The following SRPK1 variants were observed in gnomAD, a reference collection of about 807,000 sequenced individuals.
The protein encoded by SRPK1 is SFRS protein kinase 1.
Under a neutral mutation model 89.5 loss-of-function variants are expected in SRPK1, and 52 were observed. The ratio of observed to expected loss-of-function variants is 0.58; its 90% CI spans 0.46 to 0.73. SRPK1 has a LOEUF of 0.73. Among genes scored for constraint, SRPK1 ranks in the 30% least tolerant of loss-of-function variants. The pLI, the probability that SRPK1 is intolerant of heterozygous loss-of-function variation, is 0.00. For synonymous variants in SRPK1, 255 were observed against 270.2 expected (o/e 0.94, Z 0.55); for missense variants, 603 against 780.6 (o/e 0.77, Z 2.71).
At chr6:35,904,984 AAAAG>A in intron 2 of SRPK1, 1 of 446,654 alleles carries the variant, frequency 2.2e-6, no homozygotes, top group Non-Finnish European at 4.5e-6. Flanking sequence ...TCTACAAAAG[AAAAG>A]AAAAAAAAAA....
intron 13 of SRPK1, among the ~76,000 whole-genome samples, chr6:35,853,887 GT>G (rs140386198): frequency 0.32 from 45,172 of 143,200 alleles, 6,821 homozygotes; most frequent in South Asian, 0.42. Flanking sequence ...TTCGGAGATT[GT>G]TTTTTTTTTT....
chr6:35,894,613 TAAG>T (rs1383991551), intron 2 of SRPK1, among the ~76,000 whole-genome samples: 1 of 152,162 alleles, frequency 6.6e-6, no homozygotes, highest in Admixed American at 6.5e-5. Context: ...ATCCCAGTGT[TAAG>T]AAGACTCTAA....
chr6:35,909,253 G>A (rs1770910915), intron 2 of SRPK1, among the ~76,000 whole-genome samples: 3 of 152,256 alleles, frequency 2.0e-5, no homozygotes, highest in Admixed American at 2.0e-4. Flanking sequence ...CCCTGGATGT[G>A]AGACACAGAG....
In SRPK1 at chr6:35,915,995, TATACACACACACACAC is replaced by T. The variant is rs1418457661; in HGVS notation, c.74+4457_74+4472del. ...TCAAAAACAAAAAAAAAAAAAAATA[TATACACACACACACAC>T]ACACACACACACACACACACACACA... is the stretch of plus-strand genomic sequence containing the variant. On this transcript the variant is annotated intron_variant, in intron 2 of 15. Transcript: ENST00000373825. 1.1e-3 allele frequency among the ~76,000 whole-genome samples: 58 copies of T among 54,642 alleles called. 1 individual carries two copies. The highest frequency in any genetic ancestry group is 6.4e-3 in the East Asian group (18 of 2,808). The allele number at this position is 54,642 out of a possible 152,430, so 35.8% of individuals were successfully genotyped here. A position where few individuals can be genotyped will look rare whatever the true frequency, so the allele number is the denominator to read the frequency against.
At chr6:35,899,329 C>T (rs1770693630) in intron 2 of SRPK1, among the ~76,000 whole-genome samples, 1 of 152,190 alleles carries the variant, frequency 6.6e-6, no homozygotes, top group Admixed American at 6.5e-5. Flanking sequence ...GCTAAAGTGG[C>T]ACCCTTTCAG....
At chr6:35,878,140 C>G (rs1241328327) in intron 6 of SRPK1, among the ~76,000 whole-genome samples, 1 of 152,116 alleles carries the variant, frequency 6.6e-6, no homozygotes, top group Non-Finnish European at 1.5e-5. Flanking sequence ...ATCAACAAAT[C>G]ATAAAGGTAA....
At chr6:35,852,520 T>C (rs544924295) in intron 13 of SRPK1, among the ~76,000 whole-genome samples, 5 of 152,330 alleles carry the variant, frequency 3.3e-5, no homozygotes, top group East Asian at 1.9e-4. Context: ...CTTACTAAAA[T>C]GGCATTCAAA....
chr6:35,849,917 G>A (rs1769516904), intron 13 of SRPK1, among the ~76,000 whole-genome samples: 1 of 152,132 alleles, frequency 6.6e-6, no homozygotes, highest in African/African-American at 2.4e-5. Flanking sequence ...CAGTGACATG[G>A]ATGGAACTGG....
intron 13 of SRPK1, among the ~76,000 whole-genome samples, chr6:35,855,681 G>A (rs1769651142): frequency 6.6e-6 from 1 of 152,064 alleles, no homozygotes; most frequent in Non-Finnish European, 1.5e-5. Flanking sequence ...TTTATCCATG[G>A]TGGGTCCCTT....
At chr6:35,877,782 G>A (rs1282440295) in intron 6 of SRPK1, among the ~76,000 whole-genome samples, 1 of 151,492 alleles carries the variant, frequency 6.6e-6, no homozygotes, top group Non-Finnish European at 1.5e-5. Context: ...GGCGGAGGTT[G>A]CAGTGAGCAA....
At chr6:35,855,897 G>A (rs975702255) in intron 13 of SRPK1, among the ~76,000 whole-genome samples, 7 of 152,138 alleles carry the variant, frequency 4.6e-5, no homozygotes, top group Non-Finnish European at 8.8e-5. Context: ...ACCACGTCTG[G>A]CTAATTTTTA....
intron 13 of SRPK1, among the ~76,000 whole-genome samples, chr6:35,847,275 T>A (rs889612319): frequency 1.3e-5 from 2 of 152,216 alleles, no homozygotes; most frequent in African/African-American, 4.8e-5. Context: ...GGCACAATCA[T>A]GGCTTGCGGT....
intron 12 of SRPK1, among the ~76,000 whole-genome samples, chr6:35,861,118 T>C (rs1016634514): frequency 6.6e-6 from 1 of 152,082 alleles, no homozygotes; most frequent in African/African-American, 2.4e-5. Context: ...ACCAGAACAG[T>C]CAGAAGATAC....
intron 15 of SRPK1, among the ~76,000 whole-genome samples, chr6:35,837,182 TAAC>T (rs765470318): frequency 6.6e-6 from 1 of 152,186 alleles, no homozygotes; most frequent in Non-Finnish European, 1.5e-5. Flanking sequence ...TTTTTTGTAA[TAAC>T]AAATACATAA....
Position 35,838,607 on chromosome 6 carries a change from C to A in SRPK1, c.1691-178G>T, listed in dbSNP as rs542584752. On this transcript the variant is annotated intron_variant, in intron 14 of 15. Transcript: ENST00000373825. The stretch of plus-strand genomic sequence containing the variant: ...CTCTATCCATCTAATGGAGAATTCA[C>A]AAAGTCAAATTTTTGTGGATTCAGT... The A allele has an allele frequency of 8.3e-5, 128 of 1,540,820 alleles. No homozygotes were observed. In the African/African-American group the frequency reaches 1.4e-3, roughly 17 times the overall value.
intron 13 of SRPK1, among the ~76,000 whole-genome samples, chr6:35,847,577 C>T (rs1769452872): frequency 6.6e-6 from 1 of 152,038 alleles, no homozygotes; most frequent in African/African-American, 2.4e-5. Flanking sequence ...TAAACAAATA[C>T]AGTAAAGTTG....
intron 2 of SRPK1, among the ~76,000 whole-genome samples, chr6:35,908,228 G>A (rs952689132): frequency 2.6e-5 from 4 of 152,144 alleles, no homozygotes; most frequent in Admixed American, 2.6e-4. Context: ...ACTGGGTAGT[G>A]GGCAGAGGTT....
chr6:35,859,575 TC>T (rs1466041910), intron 12 of SRPK1, among the ~76,000 whole-genome samples: 1 of 152,184 alleles, frequency 6.6e-6, no homozygotes, highest in Non-Finnish European at 1.5e-5. Flanking sequence ...TTGTTTTCGA[TC>T]CTTGTTTGGT....
intron 6 of SRPK1, among the ~76,000 whole-genome samples, chr6:35,880,685 A>C (rs1770254435): frequency 7.2e-6 from 1 of 138,270 alleles, no homozygotes; most frequent in Admixed American, 7.8e-5. Flanking sequence ...GCACCACTGC[A>C]CTCCAGCCTG....
Sources: allele counts gnomAD v4.1 joint callset (sites outside exome capture counted in the v4.1 genomes callset), GRCh38; gene constraint gnomAD v4.1.1; transcripts MANE v1.5; gene names NCBI Gene and HGNC (gene_info 2026-07-23, HGNC 2026-07-21).